ANK3: variants seen among roughly 807,000 people sequenced by gnomAD.
ANK3 encodes the protein ankyrin 3, also known as ankyrin-3.
Under a neutral mutation model 370.9 loss-of-function variants are expected in ANK3, and 57 were observed. The ratio of observed to expected loss-of-function variants is 0.15; its 90% CI spans 0.12 to 0.19. ANK3 has a LOEUF of 0.19. ANK3 is among the 10% of genes least tolerant of loss of function. ANK3 has a pLI of 1.00. For missense variants in ANK3, 4,439 were observed against 5,302.1 expected (o/e 0.84, Z 5.06); for synonymous variants, 1,929 against 1,946.3 (o/e 0.99, Z 0.23).
intron 1 of ANK3, among the ~76,000 whole-genome samples, chr10:60,712,745 TTAAAAG>T (rs1305879971): frequency 2.6e-5 from 4 of 152,004 alleles, no homozygotes; most frequent in Non-Finnish European, 5.9e-5. Context: ...AACACATAAA[TTAAAAG>T]TAAAAGAATG....
At chr10:60,723,165 A>G (rs1453911582) in intron 1 of ANK3, among the ~76,000 whole-genome samples, 1 of 152,246 alleles carries the variant, frequency 6.6e-6, no homozygotes, top group Non-Finnish European at 1.5e-5. Context: ...CTTGACAGGA[A>G]GTAGGAATTA....
intron 35 of ANK3, among the ~76,000 whole-genome samples, chr10:60,081,089 C>T (rs991414685): frequency 2.6e-5 from 4 of 151,694 alleles, no homozygotes; most frequent in Admixed American, 1.3e-4. Context: ...TTTGGTGGGG[C>T]GGGCAGAGGA....
chr10:60,487,068 G>A (rs559557610), intron 2 of ANK3, among the ~76,000 whole-genome samples: 25 of 152,204 alleles, frequency 1.6e-4, no homozygotes, highest in African/African-American at 5.1e-4. Context: ...AAGTTAGAGC[G>A]ATGAGCAATT....
intron 1 of ANK3, among the ~76,000 whole-genome samples, chr10:60,299,156 C>T (rs995795219): frequency 2.0e-5 from 3 of 152,110 alleles, no homozygotes; most frequent in African/African-American, 7.2e-5. Flanking sequence ...CTGAGACACA[C>T]AGAATGTTTA....
intron 1 of ANK3, among the ~76,000 whole-genome samples, chr10:60,621,864 C>G (rs2078342408): frequency 6.6e-6 from 1 of 152,022 alleles, no homozygotes; most frequent in South Asian, 2.1e-4. Context: ...TAAATTTTAA[C>G]AGTCAGATAG....
At chr10:60,725,598 C>A (rs10761552) in intron 1 of ANK3, among the ~76,000 whole-genome samples, 46,653 of 152,072 alleles carry the variant, frequency 0.31, 7,404 homozygotes, top group South Asian at 0.47. Context: ...AATAAGTCTA[C>A]CTCAGAACCT....
At chr10:60,410,377 G>T (rs2063535077) in intron 2 of ANK3, among the ~76,000 whole-genome samples, 1 of 152,154 alleles carries the variant, frequency 6.6e-6, no homozygotes, top group South Asian at 2.1e-4. Context: ...GGGGGGAAGG[G>T]GCAACGTCTG....
intron 8 of ANK3, among the ~76,000 whole-genome samples, chr10:60,227,113 C>T (rs566526005): frequency 4.6e-5 from 7 of 151,848 alleles, no homozygotes; most frequent in South Asian, 2.1e-4. Flanking sequence ...TGTCAGCTTT[C>T]GCTTGTATGA....
chr10:60,514,714 TTTC>T (rs1567109660), intron 2 of ANK3, among the ~76,000 whole-genome samples: 1 of 152,132 alleles, frequency 6.6e-6, no homozygotes, highest in Non-Finnish European at 1.5e-5. Flanking sequence ...TTCAGGGGCC[TTTC>T]TTCTTCGAGA....
At position 60,539,804 on chromosome 10, in the gene ANK3, T is replaced by C. The variant is rs1351348784; in HGVS notation, c.96+75382A>G. 5.3e-5 allele frequency among the ~76,000 whole-genome samples: 8 copies of C among 152,044 alleles called. No homozygotes were observed. In the East Asian group the frequency reaches 1.4e-3, roughly 26 times the overall value. On this transcript the variant is annotated intron_variant, in intron 2 of 43. Transcript: ENST00000373827. The stretch of plus-strand genomic sequence containing the variant: ...TGGGTCTTCACCCACCATGTATTTA[T>C]TGAGTGCCTGCTATGAAATCAAGCC...
intron 1 of ANK3, 65 bp downstream of exon 1, chr10:60,389,360 A>T (rs2062877432): frequency 6.8e-7 from 1 of 1,466,274 alleles, no homozygotes; most frequent in Non-Finnish European, 9.5e-7. Flanking sequence ...CTTCTAACAG[A>T]TGCCAGAGGG....
intron 1 of ANK3, among the ~76,000 whole-genome samples, chr10:60,311,108 T>C (rs900538612): frequency 1.3e-5 from 2 of 152,206 alleles, no homozygotes; most frequent in African/African-American, 4.8e-5. Flanking sequence ...AACCATCTTC[T>C]GGTGGTGGTT....
At chr10:60,136,818 G>A (rs774318878) in intron 24 of ANK3, among the ~76,000 whole-genome samples, 74 of 152,166 alleles carry the variant, frequency 4.9e-4, no homozygotes, top group Middle Eastern at 3.4e-3. Context: ...TTAATACTTC[G>A]AAGTACTTTC....
chr10:60,106,246 T>C (rs746311123), intron 27 of ANK3, among the ~76,000 whole-genome samples, 187 bp from the exon 28 acceptor site: 8 of 152,176 alleles, frequency 5.3e-5, no homozygotes, highest in Non-Finnish European at 1.2e-4. Flanking sequence ...CATGCCATCA[T>C]TCATTCATTC....
intron 1 of ANK3, among the ~76,000 whole-genome samples, chr10:60,679,621 T>C (rs1589016216): frequency 6.6e-6 from 1 of 152,088 alleles, no homozygotes. Flanking sequence ...CCCTCTCAAG[T>C]GCTGGCAGGC....
At chr10:60,055,546 A>C (rs2079012677) in intron 42 of ANK3, 112 bp downstream of exon 42, 1 of 1,347,346 alleles carries the variant, frequency 7.4e-7, no homozygotes, top group Non-Finnish European at 1.0e-6. Context: ...ACACATTTAT[A>C]ATTTAGAAAT....
chr10:60,460,097 C>T (rs867749570), intron 2 of ANK3, among the ~76,000 whole-genome samples: 4 of 152,076 alleles, frequency 2.6e-5, no homozygotes, highest in African/African-American at 7.2e-5. Context: ...CCACCAATTC[C>T]TTTGAGCACA....
At chr10:60,648,525 C>A (rs1053087796) in intron 1 of ANK3, among the ~76,000 whole-genome samples, 2 of 141,866 alleles carry the variant, frequency 1.4e-5, no homozygotes, top group African/African-American at 5.1e-5. Context: ...AATCCTAGCA[C>A]TTTGGGAGGC....
intron 2 of ANK3, among the ~76,000 whole-genome samples, chr10:60,576,474 CACTA>C (rs984049608): frequency 1.3e-5 from 2 of 152,146 alleles, no homozygotes; most frequent in African/African-American, 4.8e-5. Context: ...CACTTGAAAA[CACTA>C]ACACTGAATA....
Sources: allele counts gnomAD v4.1 joint callset (sites outside exome capture counted in the v4.1 genomes callset), GRCh38; gene constraint gnomAD v4.1.1; transcripts MANE v1.5; gene names NCBI Gene and HGNC (gene_info 2026-07-23, HGNC 2026-07-21).